Variants in NSMCE2 observed in about 807,000 individuals in gnomAD.
NSMCE2 encodes the protein NSE2 SUMO ligase component of SMC5/6 complex.
A neutral mutation model predicts 23.8 loss-of-function variants in NSMCE2; 24 were observed. That is an observed-to-expected ratio of 1.01 (90% CI 0.73 to 1.42). The LOEUF is 1.42. NSMCE2 is among the 40% of genes most tolerant of loss of function. The pLI is 0.00. For synonymous variants in NSMCE2, 92 were observed against 94.1 expected (o/e 0.98, Z 0.13); for missense variants, 284 against 296.5 (o/e 0.96, Z 0.31).
chr8:125,180,501 CTG>C (rs2130798187), intron 4 of NSMCE2, among the ~76,000 whole-genome samples: 1 of 152,308 alleles, frequency 6.6e-6, no homozygotes, highest in Non-Finnish European at 1.5e-5. Flanking sequence ...TGTCTTTTCT[CTG>C]TGACAAAAGT....
chr8:125,169,341 C>T (rs1217930597), intron 4 of NSMCE2, among the ~76,000 whole-genome samples: 3 of 152,194 alleles, frequency 2.0e-5, no homozygotes, highest in Non-Finnish European at 4.4e-5. Context: ...TATTTCCATT[C>T]TAGATTTCTC....
At chr8:125,160,067 G>C (rs1003963678) in intron 4 of NSMCE2, among the ~76,000 whole-genome samples, 1 of 152,060 alleles carries the variant, frequency 6.6e-6, no homozygotes, top group Non-Finnish European at 1.5e-5. Context: ...AAATTTTAAC[G>C]GTGAAATAGT....
intron 5 of NSMCE2, among the ~76,000 whole-genome samples, chr8:125,222,987 T>G (rs1273853317): frequency 6.6e-6 from 1 of 151,936 alleles, no homozygotes; most frequent in Non-Finnish European, 1.5e-5. Flanking sequence ...GTTTGAGCCC[T>G]GAAGGTCAAG....
intron 3 of NSMCE2, among the ~76,000 whole-genome samples, chr8:125,149,144 G>T (rs1586516367): frequency 2.0e-5 from 3 of 152,052 alleles, no homozygotes; most frequent in Non-Finnish European, 1.5e-5. Context: ...TTAATTTGGG[G>T]AATGTAAATA....
At chr8:125,191,563 A>C (rs1003132957) in intron 5 of NSMCE2, among the ~76,000 whole-genome samples, 9 of 152,130 alleles carry the variant, frequency 5.9e-5, no homozygotes, top group Non-Finnish European at 1.0e-4. Flanking sequence ...TTGCATTTAG[A>C]GATTAGGGAG....
intron 5 of NSMCE2, among the ~76,000 whole-genome samples, chr8:125,306,647 TC>T (rs1828778177): frequency 6.6e-6 from 1 of 152,226 alleles, no homozygotes; most frequent in Non-Finnish European, 1.5e-5. Flanking sequence ...AACAGAGAAT[TC>T]CCAAGCCTTC....
At chr8:125,316,112 C>G (rs373939479) in intron 5 of NSMCE2, among the ~76,000 whole-genome samples, 6 of 152,312 alleles carry the variant, frequency 3.9e-5, no homozygotes, top group African/African-American at 1.4e-4. Flanking sequence ...TGGTCTAAAC[C>G]TCATTCTTAT....
chr8:125,201,066 C>T (rs7822618), intron 5 of NSMCE2, among the ~76,000 whole-genome samples: 14,980 of 152,112 alleles, frequency 0.098, 953 homozygotes, highest in South Asian at 0.17. Flanking sequence ...GTTAGTCATT[C>T]GTCTAACCTT....
intron 4 of NSMCE2, among the ~76,000 whole-genome samples, chr8:125,170,976 C>T (rs760489842): frequency 3.3e-5 from 5 of 152,176 alleles, no homozygotes; most frequent in Non-Finnish European, 7.3e-5. Flanking sequence ...TAAAGCCCTC[C>T]GTCATCTGTC....
chr8:125,126,851 G>A (rs576720769), intron 3 of NSMCE2: 15 of 152,250 alleles, frequency 9.9e-5, no homozygotes, highest in Admixed American at 8.5e-4. Context: ...ACTTTATTTA[G>A]GATTGATGTG....
chr8:125,201,934 G>A (rs191543776), intron 5 of NSMCE2, among the ~76,000 whole-genome samples: 1,540 of 144,550 alleles, frequency 0.011, 17 homozygotes, highest in Non-Finnish European at 0.012. Context: ...CCATTCCCCC[G>A]CCTTCCTGCG....
intron 3 of NSMCE2, among the ~76,000 whole-genome samples, chr8:125,148,761 G>T (rs942565934): frequency 1.3e-5 from 2 of 152,132 alleles, no homozygotes; most frequent in Non-Finnish European, 2.9e-5. Context: ...AACTAGGTAA[G>T]GCTGGTGTGA....
At chr8:125,268,110 T>C (rs1827018208) in intron 5 of NSMCE2, among the ~76,000 whole-genome samples, 1 of 151,484 alleles carries the variant, frequency 6.6e-6, no homozygotes, top group Non-Finnish European at 1.5e-5. Context: ...TGGTGCCACC[T>C]GTAGTTTCAG....
chr8:125,206,528 G>A (rs1055624729), intron 5 of NSMCE2, among the ~76,000 whole-genome samples: 6 of 152,196 alleles, frequency 3.9e-5, no homozygotes, highest in African/African-American at 9.7e-5. Flanking sequence ...ATGAATGCAA[G>A]AAGTGTTGTA....
At chr8:125,179,294 T>C (rs75028448) in intron 4 of NSMCE2, among the ~76,000 whole-genome samples, 6,231 of 152,244 alleles carry the variant, frequency 0.041, 423 homozygotes, top group African/African-American at 0.14. Flanking sequence ...ACTGTGATCA[T>C]GCCACTGTAC....
intron 3 of NSMCE2, among the ~76,000 whole-genome samples, chr8:125,148,230 T>C (rs1169617386): frequency 6.6e-6 from 1 of 152,162 alleles, no homozygotes; most frequent in African/African-American, 2.4e-5. Context: ...CAGAGATTCT[T>C]TCCTTAAGCT....
intron 5 of NSMCE2, among the ~76,000 whole-genome samples, chr8:125,218,743 A>T (rs978750096): frequency 6.6e-6 from 1 of 152,144 alleles, no homozygotes; most frequent in Non-Finnish European, 1.5e-5. Flanking sequence ...ATAAATTAGT[A>T]TAGAGAGTTT....
chr8:125,207,544 T>C (rs1452979151), intron 5 of NSMCE2, among the ~76,000 whole-genome samples: 1 of 152,222 alleles, frequency 6.6e-6, no homozygotes, highest in Non-Finnish European at 1.5e-5. Context: ...AAATTAGTAT[T>C]GTGACACCAT....
chr8:125,277,368 C>G (rs1429997754), intron 5 of NSMCE2, among the ~76,000 whole-genome samples: 1 of 152,100 alleles, frequency 6.6e-6, no homozygotes, highest in Admixed American at 6.5e-5. Context: ...GGCACAATGA[C>G]TAAATAATAT....
Sources: allele counts gnomAD v4.1 joint callset (sites outside exome capture counted in the v4.1 genomes callset), GRCh38; gene constraint gnomAD v4.1.1; transcripts MANE v1.5; gene names NCBI Gene and HGNC (gene_info 2026-07-23, HGNC 2026-07-21).